ZNF804B: variants seen among roughly 807,000 people sequenced by gnomAD.
The protein encoded by ZNF804B is zinc finger protein 804B, also known as zinc finger 804B.
Under a neutral mutation model 101.4 loss-of-function variants are expected in ZNF804B, and 80 were observed. The observed-to-expected ratio is 0.79, with a 90% confidence interval of 0.66 to 0.95. The LOEUF is 0.95. Ranked by LOEUF, ZNF804B falls within the 40% of genes least tolerant of loss-of-function variation. The probability of loss-of-function intolerance (pLI) is 0.00; values close to 1 mark genes in which losing one functional copy is unlikely to be tolerated. For synonymous variants in ZNF804B, 622 were observed against 558.8 expected (o/e 1.11, Z -1.59); for missense variants, 1,673 against 1,561.9 (o/e 1.07, Z -1.20).
At chr7:89,059,761 A>G (rs1789348930) in intron 1 of ZNF804B, among the ~76,000 whole-genome samples, 1 of 152,070 alleles carries the variant, frequency 6.6e-6, no homozygotes, top group South Asian at 2.1e-4. Flanking sequence ...TGTCAACTTG[A>G]GTGGATTAAG....
chr7:88,822,177 G>T (rs992021615), intron 1 of ZNF804B, among the ~76,000 whole-genome samples: 3 of 152,080 alleles, frequency 2.0e-5, no homozygotes, highest in African/African-American at 4.8e-5. Flanking sequence ...CAACTATATA[G>T]GAAAGATCTT....
chr7:89,331,826 C>A (rs144318946), intron 3 of ZNF804B, among the ~76,000 whole-genome samples: 3 of 151,264 alleles, frequency 2.0e-5, no homozygotes, highest in Admixed American at 6.6e-5. Context: ...AGGATATATT[C>A]AGGAGAGCCA....
intron 1 of ZNF804B, among the ~76,000 whole-genome samples, chr7:88,917,622 A>G (rs1247513594): frequency 6.6e-6 from 1 of 152,152 alleles, no homozygotes; most frequent in Non-Finnish European, 1.5e-5. Flanking sequence ...GCAGTCAACT[A>G]TTTTCTGAGT....
intron 3 of ZNF804B, among the ~76,000 whole-genome samples, chr7:89,331,122 T>C (rs2115991422): frequency 6.6e-6 from 1 of 151,856 alleles, no homozygotes; most frequent in Admixed American, 6.6e-5. Flanking sequence ...CTGTGTTTCA[T>C]ACAGGTGATA....
intron 1 of ZNF804B, among the ~76,000 whole-genome samples, chr7:88,839,774 G>A (rs1791268842): frequency 6.6e-6 from 1 of 151,460 alleles, no homozygotes; most frequent in Non-Finnish European, 1.5e-5. Context: ...TTCAACTCTT[G>A]TGCACATCAT....
chr7:88,991,344 T>C (rs550547639), intron 1 of ZNF804B, among the ~76,000 whole-genome samples: 7 of 152,222 alleles, frequency 4.6e-5, no homozygotes, highest in African/African-American at 1.7e-4. Context: ...GCCCGTCAGG[T>C]TGTGGTTCCT....
At chr7:89,091,541 G>T (rs1789886944) in intron 1 of ZNF804B, among the ~76,000 whole-genome samples, 1 of 151,912 alleles carries the variant, frequency 6.6e-6, no homozygotes, top group Non-Finnish European at 1.5e-5. Flanking sequence ...TGTGCAAAAG[G>T]GAATGAAAGC....
Position 88,759,847 on chromosome 7 carries a change from TC to T in ZNF804B, c.-125del. 1 of 697,750 alleles carries T rather than the reference TC, an allele frequency of 1.4e-6. No individual in the cohort carries two copies. The highest frequency in any genetic ancestry group is 2.5e-6 in the Non-Finnish European group (1 of 400,312). The allele number at this position is 697,750 out of a possible 1,614,324, so 43.2% of individuals were successfully genotyped here. ...GGAGCAGGGACGCGCTGCCACCGCC[TC>T]CCCCTGCGTCCTGCTGGCCGCGTCT... On this transcript the variant is annotated 5_prime_UTR_variant, in exon 1 of 4. The change abolishes the stop of an existing upstream ORF in the 5' untranslated region. Transcript: ENST00000333190.
intron 1 of ZNF804B, among the ~76,000 whole-genome samples, chr7:88,979,036 A>G (rs1380693125): frequency 6.6e-6 from 1 of 151,992 alleles, no homozygotes; most frequent in African/African-American, 2.4e-5. Context: ...AAACAAACAA[A>G]AGACCAAACA....
At chr7:89,325,501 G>A (rs1268699415) in intron 2 of ZNF804B, among the ~76,000 whole-genome samples, 1 of 151,820 alleles carries the variant, frequency 6.6e-6, no homozygotes, top group Non-Finnish European at 1.5e-5. Flanking sequence ...AGAATAATAA[G>A]GATTAACATA....
rs571545339 is a variant in ZNF804B at position 89,287,127 on chromosome 7, A to C, written c.250-40217A>C. Among the ~76,000 whole-genome samples, 7 of 152,272 alleles carry C rather than the reference A, an allele frequency of 4.6e-5. No individual in the cohort carries two copies. In the East Asian group the frequency reaches 1.4e-3, roughly 29 times the overall value. On this transcript the variant is annotated intron_variant, in intron 2 of 3. Coordinates refer to ENST00000333190, the MANE Select transcript of ZNF804B (RefSeq NM_181646.5). The stretch of plus-strand genomic sequence containing the variant: ...ACAGTTTATTTTTCCAGCTTTAAGA[A>C]TATAATACATACTATATATGACATA...
chr7:89,236,496 T>C (rs1584075060), intron 2 of ZNF804B, among the ~76,000 whole-genome samples: 1 of 152,020 alleles, frequency 6.6e-6, no homozygotes, highest in African/African-American at 2.4e-5. Context: ...AGAAAAGAAA[T>C]AATTCTCAAG....
intron 1 of ZNF804B, among the ~76,000 whole-genome samples, chr7:89,020,088 G>A (rs953087871): frequency 3.3e-5 from 5 of 152,100 alleles, no homozygotes; most frequent in African/African-American, 1.2e-4. Flanking sequence ...AGCCACCCAT[G>A]TGGGCTTGCT....
intron 1 of ZNF804B, among the ~76,000 whole-genome samples, chr7:89,022,164 G>T (rs1006340441): frequency 3.3e-5 from 5 of 152,014 alleles, no homozygotes; most frequent in African/African-American, 1.2e-4. Context: ...TGCCCTCCTG[G>T]ACTTCGGAGC....
chr7:89,180,338 G>C (rs1387618448), intron 1 of ZNF804B, among the ~76,000 whole-genome samples: 1 of 152,030 alleles, frequency 6.6e-6, no homozygotes, highest in Non-Finnish European at 1.5e-5. Flanking sequence ...GCTTTAGTTT[G>C]CTGCAGCTGA....
At chr7:88,973,548 C>T (rs572713741) in intron 1 of ZNF804B, among the ~76,000 whole-genome samples, 2 of 136,066 alleles carry the variant, frequency 1.5e-5, no homozygotes, top group South Asian at 4.6e-4. Context: ...TAGAACACTT[C>T]GAAGTATAAT....
chr7:88,881,618 C>T (rs141689557), intron 1 of ZNF804B, among the ~76,000 whole-genome samples: 22 of 152,210 alleles, frequency 1.4e-4, no homozygotes, highest in Non-Finnish European at 2.8e-4. Context: ...AGATTCTTTC[C>T]TTACAAATCC....
chr7:88,935,027 ATG>A (rs1187283448), intron 1 of ZNF804B, among the ~76,000 whole-genome samples: 12 of 151,240 alleles, frequency 7.9e-5, no homozygotes, highest in African/African-American at 2.7e-4. Context: ...ATATAGATAT[ATG>A]TGTGTGTGTG....
In ZNF804B at chr7:89,251,634, G is replaced by C. The variant is rs531965270; in HGVS notation, c.249+33339G>C. ...TATGGAACCATAAAAAGCCAAAATA[G>C]CTCTTCAAACCATACCATAAGGCTA... is the stretch of plus-strand genomic sequence containing the variant. On this transcript the variant is annotated intron_variant, in intron 2 of 3. Coordinates refer to ENST00000333190, the MANE Select transcript of ZNF804B (RefSeq NM_181646.5). Among the ~76,000 whole-genome samples the C allele has an allele frequency of 4.6e-5, 7 of 151,746 alleles. No homozygotes were observed. In the East Asian group the frequency reaches 9.7e-4, roughly 21 times the overall value.
Sources: allele counts gnomAD v4.1 joint callset (sites outside exome capture counted in the v4.1 genomes callset), GRCh38; gene constraint gnomAD v4.1.1; transcripts MANE v1.5; gene names NCBI Gene and HGNC (gene_info 2026-07-23, HGNC 2026-07-21).